The following GRIK4 variants were observed in gnomAD, a reference collection of about 807,000 sequenced individuals.
GRIK4 encodes glutamate ionotropic receptor kainate type subunit 4.
In GRIK4, 40 loss-of-function variants were observed where a neutral mutation model predicts 104.9. The ratio of observed to expected loss-of-function variants is 0.38; its 90% confidence interval spans 0.30 to 0.50. The LOEUF (loss-of-function observed/expected upper bound fraction) is 0.50, where lower values mean the gene tolerates loss of function less well. Among genes scored for constraint, GRIK4 ranks in the 20% least tolerant of loss-of-function variants. GRIK4 has a pLI of 0.93. For missense variants in GRIK4, 1,047 were observed against 1,308.1 expected (o/e 0.80, Z 3.08); for synonymous variants, 485 against 524.9 (o/e 0.92, Z 1.04).
At chr11:120,808,113 A>G (rs1952753473) in intron 4 of GRIK4, among the ~76,000 whole-genome samples, 1 of 152,198 alleles carries the variant, frequency 6.6e-6, no homozygotes, top group Admixed American at 6.5e-5. Context: ...AATGGGATAC[A>G]TTGGGATGCA....
intron 3 of GRIK4, among the ~76,000 whole-genome samples, chr11:120,695,153 T>C (rs949598432): frequency 6.6e-6 from 1 of 152,204 alleles, no homozygotes. Context: ...TCAGGGAGCC[T>C]TGGGACCCAG....
At chr11:120,551,864 G>C (rs1948144017) in intron 1 of GRIK4, among the ~76,000 whole-genome samples, 1 of 152,160 alleles carries the variant, frequency 6.6e-6, no homozygotes, top group Admixed American at 6.5e-5. Context: ...AAAAGGCCCA[G>C]GAGGACCAGG....
chr11:120,922,265 G>T (rs954057724), intron 13 of GRIK4, among the ~76,000 whole-genome samples: 3 of 152,220 alleles, frequency 2.0e-5, no homozygotes, highest in Non-Finnish European at 1.5e-5. Flanking sequence ...ACTTGTTCAA[G>T]ATCACGTGGC....
intron 1 of GRIK4, among the ~76,000 whole-genome samples, chr11:120,594,931 C>T (rs1948782342): frequency 6.6e-6 from 1 of 152,108 alleles, no homozygotes; most frequent in Admixed American, 6.6e-5. Context: ...TTAGGGGTGT[C>T]GGAGGGTGAG....
intron 7 of GRIK4, among the ~76,000 whole-genome samples, chr11:120,833,378 T>C (rs530792739): frequency 1.3e-5 from 2 of 152,156 alleles, no homozygotes; most frequent in East Asian, 1.9e-4. Flanking sequence ...GGAGCCATGA[T>C]CAATGAAGTC....
intron 3 of GRIK4, among the ~76,000 whole-genome samples, chr11:120,761,446 A>T (rs556637299): frequency 6.6e-6 from 1 of 152,144 alleles, no homozygotes; most frequent in Non-Finnish European, 1.5e-5. Context: ...GAAGCTCTTT[A>T]GTTTAATTAG....
intron 14 of GRIK4, among the ~76,000 whole-genome samples, chr11:120,951,865 C>T (rs771921327): frequency 2.6e-5 from 4 of 152,164 alleles, no homozygotes; most frequent in African/African-American, 4.8e-5. Flanking sequence ...AATTATTTAA[C>T]GCTGGCAACT....
At chr11:120,517,233 C>T (rs187081305) in intron 1 of GRIK4, among the ~76,000 whole-genome samples, 1 of 149,366 alleles carries the variant, frequency 6.7e-6, no homozygotes, top group East Asian at 1.9e-4. Flanking sequence ...CAATATTTGT[C>T]CCATTTAAGG....
At chr11:120,567,366 C>T (rs1378807057) in intron 1 of GRIK4, among the ~76,000 whole-genome samples, 2 of 151,556 alleles carry the variant, frequency 1.3e-5, no homozygotes, top group African/African-American at 2.4e-5. Context: ...TCTGTATTGC[C>T]CAGGTTGGTC....
chr11:120,680,591 T>A (rs1362145918), intron 3 of GRIK4, among the ~76,000 whole-genome samples: 1 of 150,234 alleles, frequency 6.7e-6, no homozygotes, highest in Non-Finnish European at 1.5e-5. Context: ...ATTAGTCAAG[T>A]GAATGTAGGA....
intron 2 of GRIK4, among the ~76,000 whole-genome samples, chr11:120,659,174 G>A (rs2135237246): frequency 6.6e-6 from 1 of 152,148 alleles, no homozygotes; most frequent in South Asian, 2.1e-4. Flanking sequence ...TCTCAGTGGG[G>A]GCCAAGGCAC....
intron 1 of GRIK4, among the ~76,000 whole-genome samples, chr11:120,615,884 G>A (rs936187037): frequency 1.9e-4 from 29 of 151,788 alleles, no homozygotes; most frequent in African/African-American, 5.1e-4. Context: ...TGGGCCTAGC[G>A]TCCTCATCTG....
In GRIK4 at chr11:120,636,200, A is replaced by T. The variant is rs897636519; in HGVS notation, c.-158-17485A>T. Among the ~76,000 whole-genome samples, 6 of 152,154 alleles carry T rather than the reference A, an allele frequency of 3.9e-5. No individual in the cohort carries two copies. The South Asian group carries it at 1.2e-3, about 32-fold the overall frequency. The stretch of plus-strand genomic sequence containing the variant: ...GATGTCTAGCTTTTGACTTTCATGA[A>T]TGGTGATGCTTTAAATGTTCTTGGC... On this transcript the variant is annotated intron_variant, in intron 1 of 20. Transcript: ENST00000527524.
rs1277092823 is a variant in GRIK4, at chr11:120,939,089, T to TA, written c.1477-1257dup. 6.6e-6 allele frequency among the ~76,000 whole-genome samples: 1 copy of TA among 152,174 alleles called. No homozygotes were observed. The highest frequency in any genetic ancestry group is 1.5e-5 in the Non-Finnish European group (1 of 68,022). ...TAGTCCAGGTTGGTTAGTTGGTTGT[T>TA]AGAGTAGAGGATGCATTAGAACTGA... On this transcript the variant is annotated intron_variant, in intron 13 of 20. Coordinates refer to ENST00000527524, the MANE Select transcript of GRIK4 (RefSeq NM_014619.5). This position sits in a 1 kb window ranked among gnomAD's most constrained non-coding sequence, Gnocchi z 5.6.
chr11:120,955,918 G>A (rs545652940), intron 15 of GRIK4, among the ~76,000 whole-genome samples: 3 of 151,996 alleles, frequency 2.0e-5, no homozygotes, highest in East Asian at 3.9e-4. Context: ...CTGGCCCGGT[G>A]GCACCAGCAT....
At chr11:120,607,971 A>G (rs758826889) in intron 1 of GRIK4, among the ~76,000 whole-genome samples, 12 of 152,134 alleles carry the variant, frequency 7.9e-5, no homozygotes, top group Non-Finnish European at 1.3e-4. Flanking sequence ...GGCTGCCGAG[A>G]GGAGTCAAAT....
intron 3 of GRIK4, among the ~76,000 whole-genome samples, chr11:120,661,441 G>T (rs971737445): frequency 6.6e-6 from 1 of 152,230 alleles, no homozygotes; most frequent in East Asian, 1.9e-4. Flanking sequence ...CCCACACTGG[G>T]GGTGGGGTTG....
intron 15 of GRIK4, among the ~76,000 whole-genome samples, chr11:120,954,231 T>C (rs1174231442): frequency 6.6e-6 from 1 of 151,946 alleles, no homozygotes; most frequent in East Asian, 1.9e-4. Flanking sequence ...GTCCCCAAGA[T>C]CAGGAAGGTC....
intron 2 of GRIK4, among the ~76,000 whole-genome samples, chr11:120,657,074 C>T (rs1393035042): frequency 1.3e-5 from 2 of 152,164 alleles, no homozygotes; most frequent in African/African-American, 4.8e-5. Context: ...TTTAGTAGTA[C>T]TTTTATATAG....
Sources: allele counts gnomAD v4.1 joint callset (sites outside exome capture counted in the v4.1 genomes callset), GRCh38; gene constraint gnomAD v4.1.1; non-coding constraint Gnocchi (gnomAD v3.1); transcripts MANE v1.5; gene names NCBI Gene and HGNC (gene_info 2026-07-23, HGNC 2026-07-21).